The following PDE3A variants were observed in gnomAD, a reference collection of about 807,000 sequenced individuals.
The protein encoded by PDE3A is cGMP-inhibited 3',5'-cyclic phosphodiesterase 3A.
In PDE3A, 43 loss-of-function variants were observed where a neutral mutation model predicts 98.3. The observed-to-expected ratio is 0.44, with a 90% confidence interval of 0.34 to 0.56. The LOEUF is 0.56. Among genes scored for constraint, PDE3A ranks in the 20% least tolerant of loss-of-function variants. The probability of loss-of-function intolerance (pLI) is 0.01; values close to 1 mark genes in which losing one functional copy is unlikely to be tolerated. For missense variants in PDE3A, 1,427 were observed against 1,440.7 expected (o/e 0.99, Z 0.15); for synonymous variants, 663 against 567.9 (o/e 1.17, Z -2.38).
intron 1 of PDE3A, among the ~76,000 whole-genome samples, chr12:20,385,146 C>T (rs185061218): frequency 1.3e-5 from 2 of 152,152 alleles, no homozygotes; most frequent in Non-Finnish European, 2.9e-5. Flanking sequence ...ACATTCCCAC[C>T]ACCAGTGTAA....
At chr12:20,440,476 G>A (rs1944851872) in intron 1 of PDE3A, among the ~76,000 whole-genome samples, 2 of 152,138 alleles carry the variant, frequency 1.3e-5, no homozygotes, top group African/African-American at 4.8e-5. Flanking sequence ...AAAGAACTGG[G>A]ATAGGCTGTA....
intron 1 of PDE3A, among the ~76,000 whole-genome samples, chr12:20,495,035 A>G (rs1945895688): frequency 6.6e-6 from 1 of 152,192 alleles, no homozygotes; most frequent in Admixed American, 6.5e-5. Context: ...TTATTTAAAC[A>G]TAGTGTCTGT....
At chr12:20,460,445 G>C (rs988603573) in intron 1 of PDE3A, among the ~76,000 whole-genome samples, 2 of 152,158 alleles carry the variant, frequency 1.3e-5, no homozygotes, top group Non-Finnish European at 2.9e-5. Flanking sequence ...TGAATAATTG[G>C]AGAAATAGGA....
intron 1 of PDE3A, among the ~76,000 whole-genome samples, chr12:20,417,799 C>T (rs180933793): frequency 8.6e-5 from 13 of 152,028 alleles, no homozygotes; most frequent in African/African-American, 2.7e-4. Flanking sequence ...ACTGAGTGTT[C>T]GAGGCAGCGT....
chr12:20,427,006 T>C (rs546863721), intron 1 of PDE3A, among the ~76,000 whole-genome samples: 8 of 152,298 alleles, frequency 5.3e-5, no homozygotes, highest in Middle Eastern at 3.4e-3. Context: ...GTCTATATAA[T>C]TGGTTTACTT....
chr12:20,570,433 A>G (rs2121308986), intron 2 of PDE3A, among the ~76,000 whole-genome samples: 1 of 149,646 alleles, frequency 6.7e-6, no homozygotes, highest in East Asian at 1.9e-4. Flanking sequence ...AAAAAAAAAA[A>G]AAAAAGGTGT....
chr12:20,427,945 C>T (rs993749352), intron 1 of PDE3A, among the ~76,000 whole-genome samples: 1 of 151,968 alleles, frequency 6.6e-6, no homozygotes, highest in Non-Finnish European at 1.5e-5. Context: ...GTGGCTCATT[C>T]CTGTAATCCC....
intron 1 of PDE3A, among the ~76,000 whole-genome samples, chr12:20,519,112 A>G (rs1345636423): frequency 1.3e-5 from 2 of 152,186 alleles, no homozygotes; most frequent in African/African-American, 4.8e-5. Flanking sequence ...AGTTTATGTG[A>G]CTAAATGTGG....
intron 2 of PDE3A, among the ~76,000 whole-genome samples, chr12:20,606,243 T>C (rs1943707031): frequency 6.6e-6 from 1 of 152,134 alleles, no homozygotes; most frequent in South Asian, 2.1e-4. Flanking sequence ...TTTCACATAA[T>C]TATTTCCTAA....
chr12:20,630,085 A>G lies in PDE3A; in HGVS notation c.1718A>G (p.Asp573Gly). 6.2e-7 allele frequency: 1 copy of G among 1,613,762 alleles called. No homozygotes were observed. The highest frequency in any genetic ancestry group is 1.1e-5 in the South Asian group (1 of 91,076). Residue 573 changes from aspartate to glycine, a missense_variant, in exon 6 of 16, where the codon GAC becomes GGC. By Grantham distance (94) the Asp-to-Gly change is moderately conservative. Around this residue, in one of 3 missense-constraint regions of PDE3A, gnomAD observed 1,012 missense variants for 886.5 expected, o/e 1.14. Coordinates refer to ENST00000359062, the MANE Select transcript of PDE3A (RefSeq NM_000921.5). ...RALTYTQSAP[D>G]LSPQILTPPV... ...TTAACTTACACTCAGAGTGCCCCAG[A>G]CCTATCCCCTCAAATCCTGACTCCA...
intron 1 of PDE3A, among the ~76,000 whole-genome samples, chr12:20,420,302 G>A (rs10841515): frequency 0.68 from 103,365 of 151,850 alleles, 35,694 homozygotes; most frequent in East Asian, 0.98. Flanking sequence ...AAACTGCAGT[G>A]TGACTCTTAC....
intron 15 of PDE3A, among the ~76,000 whole-genome samples, chr12:20,658,695 C>G (rs1193943493): frequency 6.6e-6 from 1 of 152,164 alleles, no homozygotes; most frequent in African/African-American, 2.4e-5. Flanking sequence ...AGGAGATAGG[C>G]CTGCCTGCTG....
chr12:20,434,167 T>G lies in PDE3A; in HGVS notation c.960+63923T>G, dbSNP rs1591927712. On this transcript the variant is annotated intron_variant, in intron 1 of 15. Coordinates refer to ENST00000359062, the MANE Select transcript of PDE3A (RefSeq NM_000921.5). ...CAAATCAAGGCTTTACTATTGAAGG[T>G]GACTTTTTTTTTTTCCTGCGTTTCA... Among the ~76,000 whole-genome samples, 6 of 144,148 alleles carry G rather than the reference T, an allele frequency of 4.2e-5. No homozygotes were observed. The East Asian group carries it at 1.4e-3, about 33-fold the overall frequency. 94.6% of individuals were successfully genotyped at this position (144,148 alleles called of 152,430 possible).
chr12:20,545,781 A>C (rs1942036770), intron 1 of PDE3A, among the ~76,000 whole-genome samples: 2 of 76,268 alleles, frequency 2.6e-5, no homozygotes, highest in Non-Finnish European at 6.2e-5. Context: ...GGCTGCCAAA[A>C]AAAAAAAAAC....
chr12:20,605,888 C>T (rs191644187), intron 2 of PDE3A, among the ~76,000 whole-genome samples: 31 of 152,258 alleles, frequency 2.0e-4, no homozygotes, highest in African/African-American at 6.7e-4. Flanking sequence ...GCAAGTGACA[C>T]GCCAGAATGT....
intron 1 of PDE3A, among the ~76,000 whole-genome samples, chr12:20,430,961 C>A (rs1014089997): frequency 6.6e-6 from 1 of 152,100 alleles, no homozygotes; most frequent in Admixed American, 6.6e-5. Context: ...GGCAAGTCAC[C>A]CTTTCTGGGC....
intron 1 of PDE3A, among the ~76,000 whole-genome samples, chr12:20,376,036 G>A (rs1943566277): frequency 1.3e-5 from 2 of 151,860 alleles, no homozygotes; most frequent in South Asian, 4.1e-4. Context: ...TTTTGAAAAT[G>A]GAAATTACTT....
At chr12:20,387,487 AC>A (rs1324216935) in intron 1 of PDE3A, among the ~76,000 whole-genome samples, 13 of 152,068 alleles carry the variant, frequency 8.5e-5, no homozygotes, top group Middle Eastern at 3.4e-3. Context: ...TATAGCAAAA[AC>A]ATGAGACTTT....
Position 20,680,198 on chromosome 12 carries a change from C to A in PDE3A, c.3353C>A (p.Ala1118Asp), listed in dbSNP as rs1227857814. Residue 1118 changes from alanine (A) to aspartate (D), a missense_variant, in exon 16 of 16, where the codon GCT becomes GAT. Physicochemically the swap from Ala to Asp is moderately radical, Grantham distance 126 (BLOSUM62 -2). Coordinates refer to ENST00000359062, the MANE Select transcript of PDE3A (RefSeq NM_000921.5). The stretch of plus-strand genomic sequence containing the variant: ...TCGCACTCTTCAGAACAGATCCAGG[C>A]TATCAAGGAAGAAGAAGAAGAGAAA... ...PQSHSSEQIQ[A>D]IKEEEEEKGK... 6.2e-7 allele frequency: 1 copy of A among 1,613,436 alleles called. No individual in the cohort carries two copies. Among genetic ancestry groups the A allele is most frequent in the Non-Finnish European group, 8.5e-7 (1 of 1,179,674 alleles).
Sources: allele counts gnomAD v4.1 joint callset (sites outside exome capture counted in the v4.1 genomes callset), GRCh38; gene constraint gnomAD v4.1.1; regional missense constraint gnomAD v4.1.1; transcripts MANE v1.5; gene names NCBI Gene and HGNC (gene_info 2026-07-23, HGNC 2026-07-21).